Variants in SHC3 observed in about 807,000 individuals in gnomAD.
The protein encoded by SHC3 is SHC-transforming protein 3.
Under a neutral mutation model 60.4 loss-of-function variants are expected in SHC3, and 15 were observed. That is an observed-to-expected ratio of 0.25 (90% CI 0.17 to 0.38). The LOEUF is 0.38. Among genes scored for constraint, SHC3 ranks in the 10% least tolerant of loss-of-function variants. The pLI is 1.00. For synonymous variants in SHC3, 294 were observed against 325.9 expected, an observed-to-expected ratio of 0.90 and a Z score of 1.05; for missense variants, 677 against 786.1, an observed-to-expected ratio of 0.86 and a Z score of 1.66.
At chr9:89,121,451 C>T (rs1039047788) in intron 1 of SHC3, among the ~76,000 whole-genome samples, 10 of 152,236 alleles carry the variant, frequency 6.6e-5, no homozygotes, top group South Asian at 2.1e-4. Context: ...CCACCACGCT[C>T]GGCTAATTTT....
intron 1 of SHC3, among the ~76,000 whole-genome samples, chr9:89,153,002 C>G (rs1024942474): frequency 2.0e-5 from 3 of 152,090 alleles, no homozygotes; most frequent in Non-Finnish European, 4.4e-5. Context: ...CAAAAGAACT[C>G]AGGGGGTGGG....
chr9:89,140,787 T>C (rs935802294), intron 1 of SHC3, among the ~76,000 whole-genome samples: 1 of 150,762 alleles, frequency 6.6e-6, no homozygotes, highest in Admixed American at 6.6e-5. Context: ...TTCTAGGCTG[T>C]TAGTAATTAT....
chr9:89,064,111 A>T (rs1825135971), intron 6 of SHC3, among the ~76,000 whole-genome samples: 1 of 152,208 alleles, frequency 6.6e-6, no homozygotes, highest in African/African-American at 2.4e-5. Flanking sequence ...CACCAAACCC[A>T]TTCACAAGGC....
At chr9:89,111,936 A>AT (rs1825953256) in intron 2 of SHC3, among the ~76,000 whole-genome samples, 1 of 152,198 alleles carries the variant, frequency 6.6e-6, no homozygotes. Flanking sequence ...TGAAACTGGC[A>AT]TTTTTCTAAA....
chr9:89,028,931 C>CT (rs201973493), intron 11 of SHC3, among the ~76,000 whole-genome samples: 4 of 147,138 alleles, frequency 2.7e-5, no homozygotes, highest in South Asian at 2.1e-4. Flanking sequence ...AGTTTTTTAA[C>CT]TTTTTTTTCT....
intron 4 of SHC3, among the ~76,000 whole-genome samples, chr9:89,074,873 A>G (rs1825331551): frequency 6.6e-6 from 1 of 152,060 alleles, no homozygotes; most frequent in Non-Finnish European, 1.5e-5. Flanking sequence ...TTACATTGCA[A>G]GTAAACCAAT....
At chr9:89,144,197 C>T (rs1826435527) in intron 1 of SHC3, among the ~76,000 whole-genome samples, 1 of 152,234 alleles carries the variant, frequency 6.6e-6, no homozygotes, top group Admixed American at 6.5e-5. Context: ...CACTGACCAT[C>T]AGAAGGATTC....
chr9:89,060,093 A>C (rs572348780), intron 6 of SHC3, among the ~76,000 whole-genome samples: 1 of 133,958 alleles, frequency 7.5e-6, no homozygotes, highest in African/African-American at 2.9e-5. Context: ...TGGTGTTAGG[A>C]GGTGGTGGAG....
Position 89,116,293 on chromosome 9 carries a change from A to C in SHC3, c.475-3667T>G, listed in dbSNP as rs111390257. The stretch of plus-strand genomic sequence containing the variant: ...CACAATTATGTCAACACCACAACAA[A>C]CGTTGCAGAGTTATGTGAACACCAT... On this transcript the variant is annotated intron_variant, in intron 1 of 11. Coordinates refer to ENST00000375835, the MANE Select transcript of SHC3 (RefSeq NM_016848.6). Among the ~76,000 whole-genome samples, 286 of 152,240 alleles carry C rather than the reference A, an allele frequency of 1.9e-3. 2 individuals are homozygous for C. The highest frequency in any genetic ancestry group is 2.5e-3 in the Non-Finnish European group (172 of 68,000).
At chr9:89,028,839 CAT>C (rs558318462) in intron 11 of SHC3, among the ~76,000 whole-genome samples, 271 of 145,706 alleles carry the variant, frequency 1.9e-3, no homozygotes, top group African/African-American at 6.4e-3. Flanking sequence ...TACACACAAA[CAT>C]GTGTGTAAAT....
intron 1 of SHC3, among the ~76,000 whole-genome samples, chr9:89,124,432 C>G (rs1412122818): frequency 1.3e-5 from 2 of 152,138 alleles, no homozygotes; most frequent in African/African-American, 4.8e-5. Context: ...AGACTTGGAA[C>G]CAACCCAAAT....
At chr9:89,089,006 TTCCTGCTGGAGGG>T (rs1825577442) in intron 2 of SHC3, 1 of 152,252 alleles carries the variant, frequency 6.6e-6, no homozygotes, top group Non-Finnish European at 1.5e-5. Flanking sequence ...TCTGCAAAGC[TTCCTGCTGGAGGG>T]GCACTTCCTG....
At chr9:89,090,379 A>G (rs1825603001) in intron 2 of SHC3, among the ~76,000 whole-genome samples, 4 of 152,228 alleles carry the variant, frequency 2.6e-5, no homozygotes, top group East Asian at 1.9e-4. Flanking sequence ...AGGCAAGACC[A>G]TGGCCTCCCA....
At position 89,076,835 on chromosome 9, in the gene SHC3, T is replaced by C. The variant is rs552323049; in HGVS notation, c.609+1005A>G. ...ATCTGACTATTAATCACAGCTGTTATTAAAAATGAATGTATGTAAACTTAC... is the reference window on the plus strand; with the variant it reads ...ATCTGACTATTAATCACAGCTGTTACTAAAAATGAATGTATGTAAACTTAC... On this transcript the variant is annotated intron_variant, in intron 3 of 11. Coordinates refer to ENST00000375835, the MANE Select transcript of SHC3 (RefSeq NM_016848.6). Among the ~76,000 whole-genome samples the C allele has an allele frequency of 2.6e-5, 4 of 152,302 alleles. No homozygotes were observed. In the East Asian group the frequency reaches 5.8e-4, roughly 22 times the overall value.
rs1826497778 is a variant in SHC3 at position 89,148,234 on chromosome 9, G to A, written c.474+29753C>T. The stretch of plus-strand genomic sequence containing the variant: ...TCAGTCTGGAATTTCGATATTTCGC[G>A]ATTAAATAGGCCTTCCCCTCAGCTA... On this transcript the variant is annotated intron_variant, in intron 1 of 11. Transcript: ENST00000375835. 8.5e-5 allele frequency among the ~76,000 whole-genome samples: 13 copies of A among 152,230 alleles called. No individual in the cohort carries two copies. In the South Asian group the frequency reaches 2.3e-3, roughly 27 times the overall value.
intron 1 of SHC3, among the ~76,000 whole-genome samples, chr9:89,128,790 G>A (rs1826200417): frequency 6.6e-6 from 1 of 152,180 alleles, no homozygotes; most frequent in Non-Finnish European, 1.5e-5. Flanking sequence ...AAACTACAAA[G>A]ATTGGGAGAA....
chr9:89,065,482 C>G (rs752940697), intron 6 of SHC3, 47 bp downstream of exon 6: 14 of 1,599,134 alleles, frequency 8.8e-6, no homozygotes, highest in African/African-American at 6.7e-5. Flanking sequence ...GAATGTGAAG[C>G]CTGGCTGTAC....
At chr9:89,111,924 C>T (rs895167452) in intron 2 of SHC3, among the ~76,000 whole-genome samples, 5 of 152,190 alleles carry the variant, frequency 3.3e-5, no homozygotes, top group African/African-American at 1.2e-4. Context: ...TTCAAGCTGG[C>T]TTGAAACTGG....
At chr9:89,146,624 G>C (rs1182502699) in intron 1 of SHC3, among the ~76,000 whole-genome samples, 1 of 152,156 alleles carries the variant, frequency 6.6e-6, no homozygotes, top group Non-Finnish European at 1.5e-5. Flanking sequence ...TGGCAATGAG[G>C]GGAAGGGAAA....
Sources: gnomAD v4.1 joint callset for allele counts (sites outside exome capture counted in the v4.1 genomes callset) on GRCh38, gnomAD v4.1.1 for gene constraint, MANE v1.5 for transcripts, NCBI Gene and HGNC (gene_info 2026-07-23, HGNC 2026-07-21) for gene names.